ZMIZ1: variants seen among roughly 807,000 people sequenced by gnomAD.
ZMIZ1 encodes zinc finger MIZ-type containing 1, also known as zinc finger MIZ domain-containing protein 1.
A neutral mutation model predicts 113.9 loss-of-function variants in ZMIZ1; 17 were observed. That is an observed-to-expected ratio of 0.15 (90% CI 0.10 to 0.22). ZMIZ1 has a LOEUF of 0.22. Ranked by LOEUF, ZMIZ1 falls within the 10% of genes least tolerant of loss-of-function variation. The pLI, the probability that ZMIZ1 is intolerant of heterozygous loss-of-function variation, is 1.00. For missense variants in ZMIZ1, 1,059 were observed against 1,477.8 expected (o/e 0.72, Z 4.65); for synonymous variants, 607 against 603.1 (o/e 1.01, Z -0.09).
chr10:79,077,333 T>C (rs935963721), intron 1 of ZMIZ1, among the ~76,000 whole-genome samples: 1 of 152,204 alleles, frequency 6.6e-6, no homozygotes, highest in African/African-American at 2.4e-5. Flanking sequence ...CCTGAAACCC[T>C]TTCCTGGTGT....
intron 1 of ZMIZ1, among the ~76,000 whole-genome samples, chr10:79,092,349 A>G (rs1363929815): frequency 6.6e-6 from 1 of 152,094 alleles, no homozygotes; most frequent in Non-Finnish European, 1.5e-5. Flanking sequence ...ATTGGGGGTG[A>G]CCCTAGGACC....
chr10:79,141,190 G>A (rs1845247363), intron 3 of ZMIZ1, among the ~76,000 whole-genome samples: 1 of 152,172 alleles, frequency 6.6e-6, no homozygotes, highest in Non-Finnish European at 1.5e-5. Context: ...GGAGGAGGAG[G>A]CGGCATTGCT....
At chr10:79,284,427 G>A (rs78080338) in intron 8 of ZMIZ1, among the ~76,000 whole-genome samples, 1 of 152,176 alleles carries the variant, frequency 6.6e-6, no homozygotes, top group Non-Finnish European at 1.5e-5. Flanking sequence ...TCAGAGGCTT[G>A]AGAAGCACAT....
chr10:79,275,313 G>A (rs901725502), intron 7 of ZMIZ1, among the ~76,000 whole-genome samples: 5 of 152,178 alleles, frequency 3.3e-5, no homozygotes, highest in African/African-American at 1.2e-4. Flanking sequence ...GTGGCAAGGT[G>A]ACCCCACGGA....
chr10:79,188,832 A>G (rs1847468879), intron 4 of ZMIZ1, among the ~76,000 whole-genome samples: 2 of 152,228 alleles, frequency 1.3e-5, no homozygotes, highest in Admixed American at 6.5e-5. Flanking sequence ...CACTGAGAAA[A>G]GCCAGATTTT....
chr10:79,177,171 G>A (rs1846907479), intron 4 of ZMIZ1, among the ~76,000 whole-genome samples: 1 of 152,200 alleles, frequency 6.6e-6, no homozygotes, highest in Non-Finnish European at 1.5e-5. Flanking sequence ...GTTTCCTGTT[G>A]GGGCTGGACT....
chr10:79,236,243 G>A (rs1849583204), intron 7 of ZMIZ1, among the ~76,000 whole-genome samples: 1 of 152,228 alleles, frequency 6.6e-6, no homozygotes. Context: ...CCGCTGCAAA[G>A]TGGAAGCTTT....
chr10:79,201,511 G>C (rs1848078705), intron 4 of ZMIZ1, 73 bp from the exon 5 acceptor site: 9 of 1,107,968 alleles, frequency 8.1e-6, no homozygotes. Flanking sequence ...TGTGGCCAGA[G>C]GGCAGTTGGG....
At chr10:79,274,540 A>G (rs534472205) in intron 7 of ZMIZ1, among the ~76,000 whole-genome samples, 10 of 152,212 alleles carry the variant, frequency 6.6e-5, no homozygotes, top group African/African-American at 2.4e-4. Context: ...GTTGTCATTA[A>G]CCCACGTTTG....
chr10:79,280,820 T>C (rs1373324797), intron 8 of ZMIZ1, among the ~76,000 whole-genome samples: 2 of 152,180 alleles, frequency 1.3e-5, no homozygotes, highest in Non-Finnish European at 2.9e-5. Flanking sequence ...TCCCTCTGTG[T>C]ACCCTTTGCT....
chr10:79,169,347 G>A (rs991192399), intron 4 of ZMIZ1, among the ~76,000 whole-genome samples: 33 of 152,340 alleles, frequency 2.2e-4, no homozygotes, highest in African/African-American at 7.9e-4. Flanking sequence ...GGGGTTCCCA[G>A]TTGCCTCCTG....
intron 2 of ZMIZ1, among the ~76,000 whole-genome samples, chr10:79,121,683 G>T (rs1401755728): frequency 6.6e-6 from 1 of 152,212 alleles, no homozygotes. Flanking sequence ...AAGGATCAGG[G>T]TGTGGGACCA....
chr10:79,183,361 C>T (rs1211240785), intron 4 of ZMIZ1, among the ~76,000 whole-genome samples: 2 of 19,606 alleles, frequency 1.0e-4, no homozygotes, highest in Non-Finnish European at 1.6e-4. Context: ...TGCACGCGCA[C>T]ACACACACAC....
intron 10 of ZMIZ1, among the ~76,000 whole-genome samples, 159 bp downstream of exon 10, chr10:79,291,335 C>T (rs147962678): frequency 0.032 from 4,889 of 152,344 alleles, 132 homozygotes; most frequent in Middle Eastern, 0.054. Flanking sequence ...CCCTGGCTCC[C>T]AGGGCTGGCC....
chr10:79,250,990 G>T (rs1850519294), intron 7 of ZMIZ1, among the ~76,000 whole-genome samples: 1 of 152,178 alleles, frequency 6.6e-6, no homozygotes, highest in African/African-American at 2.4e-5. Context: ...ACCACGCGCA[G>T]GGAGAAGGCA....
chr10:79,233,334 C>T (rs1018974023), intron 7 of ZMIZ1, among the ~76,000 whole-genome samples: 2 of 152,260 alleles, frequency 1.3e-5, no homozygotes, highest in African/African-American at 2.4e-5. Context: ...AACTTACAAA[C>T]AATAGCAATT....
chr10:79,208,166 A>C (rs2132681065), intron 5 of ZMIZ1, among the ~76,000 whole-genome samples, 170 bp from the exon 6 acceptor site: 1 of 149,402 alleles, frequency 6.7e-6, no homozygotes, highest in East Asian at 2.0e-4. Context: ...TGCCGAGCAC[A>C]GGGTGTGAAA....
chr10:79,165,738 G>T (rs918595881), intron 4 of ZMIZ1, among the ~76,000 whole-genome samples: 10 of 152,142 alleles, frequency 6.6e-5, no homozygotes, highest in African/African-American at 2.2e-4. Context: ...ACAGCTCCCC[G>T]TGGTCACGGG....
intron 1 of ZMIZ1, among the ~76,000 whole-genome samples, chr10:79,076,164 G>A (rs947532452): frequency 6.6e-6 from 1 of 152,310 alleles, no homozygotes; most frequent in South Asian, 2.1e-4. Flanking sequence ...CTGAACCATG[G>A]AAAGAAACAC....
Sources: allele counts gnomAD v4.1 joint callset (sites outside exome capture counted in the v4.1 genomes callset), GRCh38; gene constraint gnomAD v4.1.1; transcripts MANE v1.5; gene names NCBI Gene and HGNC (gene_info 2026-07-23, HGNC 2026-07-21).